The following DCX variants were observed in gnomAD, a reference collection of about 807,000 sequenced individuals.
DCX encodes neuronal migration protein doublecortin.
A neutral mutation model predicts 20.9 loss-of-function variants in DCX; 4 were observed. The ratio of observed to expected loss-of-function variants is 0.19; its 90% confidence interval spans 0.09 to 0.44. DCX has a LOEUF of 0.44. DCX is among the 20% of genes least tolerant of loss of function. The pLI is 0.99. For synonymous variants in DCX, 103 were observed against 111.4 expected, an observed-to-expected ratio of 0.92 and a Z score of 0.47; for missense variants, 133 against 296.9, an observed-to-expected ratio of 0.45 and a Z score of 4.06.
chrX:111,398,311 A>G (rs1031223995), intron 3 of DCX, among the ~76,000 whole-genome samples: 2 of 108,982 alleles, frequency 1.8e-5, no homozygotes, highest in African/African-American at 3.4e-5. Flanking sequence ...ACATTTATAG[A>G]GCATCCATAA....
intron 3 of DCX, among the ~76,000 whole-genome samples, chrX:111,335,877 C>G (rs1921682273): frequency 9.1e-6 from 1 of 110,230 alleles, no homozygotes; most frequent in Non-Finnish European, 1.9e-5. Flanking sequence ...TTGCTCGAAC[C>G]TGGGAGGCGG....
intron 5 of DCX, among the ~76,000 whole-genome samples, chrX:111,326,646 G>A (rs746178366): frequency 3.6e-5 from 4 of 111,552 alleles, no homozygotes; most frequent in South Asian, 3.8e-4. Context: ...AGTTCTGCCC[G>A]GTGAAAATGA....
rs1270505644 is a variant in DCX at position 111,312,739 on chromosome X, A to G, written c.947-3T>C. ...CTGGCTGCTGGAGGTTCCGTTTGCT[A>G]GCCCAAAGCAAGAGAAAAGGAAGGG... On this transcript the variant is annotated splice_region_variant and splice_polypyrimidine_tract_variant and intron_variant, in intron 5 of 6. Coordinates refer to ENST00000636035, the MANE Select transcript of DCX (RefSeq NM_001195553.2). 2 of 1,208,681 alleles carry G rather than the reference A, an allele frequency of 1.7e-6. No homozygotes were observed. The highest frequency in any genetic ancestry group is 2.2e-6 in the Non-Finnish European group (2 of 894,174).
Position 111,410,300 on chromosome X carries a change from G to C in DCX, c.99C>G (p.Ala33=). The C allele has an allele frequency of 2.5e-6, 3 of 1,211,395 alleles. No individual in the cohort carries two copies. The highest frequency in any genetic ancestry group is 3.4e-6 in the Non-Finnish European group (3 of 895,459). ...MNGLPSPTHS[A]HCSFYRTRTL... ...TTCTGGTTCGGTAGAAGCTACAGTG[G>C]GCGCTGTGAGTGGGGCTAGGCAACC... The change falls in exon 2 of 7, where the codon GCC becomes GCG. Residue 33 remains alanine (A), a synonymous_variant. Coordinates refer to ENST00000636035, the MANE Select transcript of DCX (RefSeq NM_001195553.2).
At chrX:111,344,694 G>A (rs1228983392) in intron 3 of DCX, among the ~76,000 whole-genome samples, 1 of 110,981 alleles carries the variant, frequency 9.0e-6, no homozygotes. Context: ...GGGATATGAA[G>A]GACCTCTTCA....
Position 111,305,098 on chromosome X carries a change from C to G in DCX, c.1045-3355G>C, listed in dbSNP as rs1350287587. Among the ~76,000 whole-genome samples, 4 of 111,527 alleles carry G rather than the reference C, an allele frequency of 3.6e-5. No individual in the cohort carries two copies. In the Admixed American group the frequency reaches 3.8e-4, roughly 11 times the overall value. Reference sequence around the variant, plus strand: ...TATCCTATTCATTCAAAATTATCATCACAAATAAAGGAGAAATTAAAACAT... The same window carrying G: ...TATCCTATTCATTCAAAATTATCATGACAAATAAAGGAGAAATTAAAACAT... On this transcript the variant is annotated intron_variant, in intron 6 of 6. Transcript: ENST00000636035.
chrX:111,311,470 CTTATAGTATTTG>C (rs1323707572), intron 6 of DCX, among the ~76,000 whole-genome samples: 1 of 112,056 alleles, frequency 8.9e-6, no homozygotes, highest in African/African-American at 3.2e-5. Flanking sequence ...ACAACCTTGA[CTTATAGTATTTG>C]TTAATGTCCA....
rs775714462 is a variant in DCX at position 111,301,007 on chromosome X, A to G, written c.*680T>C. 8.8e-6 allele frequency: 1 copy of G among 113,854 alleles called. No individual in the cohort carries two copies. The highest frequency in any genetic ancestry group is 2.8e-4 in the East Asian group (1 of 3,588). The allele number at this position is 113,854 out of a possible 1,213,427, so 9.4% of individuals were successfully genotyped here. A position where few individuals can be genotyped will look rare whatever the true frequency, so the allele number is the denominator to read the frequency against. ...ATTGACCAGGAATTCACTGTGCTTT[A>G]TAAACTCTTCGGAAATGTCTGCAGT... On this transcript the variant is annotated 3_prime_UTR_variant, in exon 7 of 7. Transcript: ENST00000636035.
At chrX:111,344,052 C>T (rs1474210279) in intron 3 of DCX, among the ~76,000 whole-genome samples, 2 of 111,890 alleles carry the variant, frequency 1.8e-5, no homozygotes, top group African/African-American at 3.2e-5. Flanking sequence ...ATGAACAAGT[C>T]GGCTTCATCC....
rs144863390 is a variant in DCX at position 111,411,695 on chromosome X, T to C, written c.-23+443A>G. The C allele has an allele frequency of 2.7e-3, 306 of 111,919 alleles. 9 individuals carry two copies. The East Asian group carries it at 0.068, about 25-fold the overall frequency. 9.2% of individuals were successfully genotyped at this position (111,919 alleles called of 1,213,427 possible). A position where few individuals can be genotyped will look rare whatever the true frequency, so the allele number is the denominator to read the frequency against. The stretch of plus-strand genomic sequence containing the variant: ...TGCTACACACTGCCACATCAATATA[T>C]TTGCAAGGGACCAGGAGGACAGGAG... On this transcript the variant is annotated intron_variant, in intron 1 of 6. Coordinates refer to ENST00000636035, the MANE Select transcript of DCX (RefSeq NM_001195553.2).
chrX:111,364,570 A>G (rs754550320), intron 3 of DCX, among the ~76,000 whole-genome samples: 31 of 111,821 alleles, frequency 2.8e-4, no homozygotes, highest in Non-Finnish European at 5.1e-4. Context: ...TTTAATTTCC[A>G]TACCTACTCT....
At chrX:111,400,150 TTC>T (rs1165256938) in intron 3 of DCX, among the ~76,000 whole-genome samples, 4 of 111,964 alleles carry the variant, frequency 3.6e-5, no homozygotes, top group Non-Finnish European at 7.5e-5. Flanking sequence ...GAGACCAGAA[TTC>T]TCTTTAGAGC....
chrX:111,322,787 G>A (rs773844944), intron 5 of DCX, among the ~76,000 whole-genome samples: 6 of 112,328 alleles, frequency 5.3e-5, no homozygotes, highest in Non-Finnish European at 9.4e-5. Context: ...TTGATCATAG[G>A]GTTTGCTCTC....
At chrX:111,392,288 A>C (rs1254885657) in intron 3 of DCX, among the ~76,000 whole-genome samples, 2 of 111,464 alleles carry the variant, frequency 1.8e-5, no homozygotes, top group Non-Finnish European at 3.8e-5. Context: ...CAGCAATTCT[A>C]TTACTAGATA....
intron 3 of DCX, among the ~76,000 whole-genome samples, chrX:111,365,037 G>A (rs975026300): frequency 9.3e-6 from 1 of 107,707 alleles, no homozygotes; most frequent in East Asian, 2.9e-4. Context: ...GACTGCAGGC[G>A]CACACCACCA....
chrX:111,365,192 T>G (rs1569493530), intron 3 of DCX, among the ~76,000 whole-genome samples: 1 of 109,909 alleles, frequency 9.1e-6, no homozygotes, highest in African/African-American at 3.3e-5. Context: ...AGTGCTGGGA[T>G]TACAGGTATG....
intron 3 of DCX, among the ~76,000 whole-genome samples, chrX:111,359,372 C>T (rs559895075): frequency 9.0e-6 from 1 of 111,306 alleles, no homozygotes; most frequent in South Asian, 3.8e-4. Context: ...TAGATTACCC[C>T]CCAACTCTCA....
At chrX:111,320,827 T>A (rs745556446) in intron 5 of DCX, among the ~76,000 whole-genome samples, 1 of 102,329 alleles carries the variant, frequency 9.8e-6, no homozygotes, top group Non-Finnish European at 1.9e-5. Flanking sequence ...TCTTTCTTTC[T>A]CTCTCTCTCT....
intron 3 of DCX, among the ~76,000 whole-genome samples, chrX:111,349,998 T>G (rs1042167228): frequency 1.8e-5 from 2 of 111,472 alleles, no homozygotes; most frequent in African/African-American, 6.5e-5. Context: ...GAACCAGAAC[T>G]CAGAGGGAAG....
Sources: allele counts gnomAD v4.1 joint callset (sites outside exome capture counted in the v4.1 genomes callset), GRCh38; gene constraint gnomAD v4.1.1; transcripts MANE v1.5; gene names NCBI Gene and HGNC (gene_info 2026-07-23, HGNC 2026-07-21).